ATP2B2: variants seen among roughly 807,000 people sequenced by gnomAD.
ATP2B2 encodes ATPase plasma membrane Ca2+ transporting 2, also known as plasma membrane calcium-transporting ATPase 2.
A neutral mutation model predicts 120.0 loss-of-function variants in ATP2B2; 15 were observed. The ratio of observed to expected loss-of-function variants is 0.12; its 90% confidence interval spans 0.08 to 0.19. ATP2B2 has a LOEUF of 0.19. Ranked by LOEUF, ATP2B2 falls within the 10% of genes least tolerant of loss-of-function variation. The pLI is 1.00. For missense variants in ATP2B2, 1,045 were observed against 1,719.8 expected, an observed-to-expected ratio of 0.61 and a Z score of 6.94; for synonymous variants, 694 against 700.3, an observed-to-expected ratio of 0.99 and a Z score of 0.14.
intron 1 of ATP2B2, among the ~76,000 whole-genome samples, chr3:10,464,052 A>C (rs1030479548): frequency 1.3e-5 from 2 of 152,050 alleles, no homozygotes; most frequent in African/African-American, 4.8e-5. Context: ...CCCTGTGCGC[A>C]TGCTGATTAG....
chr3:10,394,095 C>A (rs3774158), intron 5 of ATP2B2, among the ~76,000 whole-genome samples: 65,520 of 151,722 alleles, frequency 0.43, 15,751 homozygotes, highest in East Asian at 0.97. Context: ...GTTCCTTGAT[C>A]TCTTGCGTGT....
intron 22 of ATP2B2, among the ~76,000 whole-genome samples, chr3:10,330,548 G>A (rs2059950270): frequency 6.6e-6 from 1 of 152,254 alleles, no homozygotes; most frequent in Non-Finnish European, 1.5e-5. Flanking sequence ...AAACAAGGCG[G>A]CGTTGGCGCC....
intron 5 of ATP2B2, among the ~76,000 whole-genome samples, chr3:10,393,421 T>C (rs2061923049): frequency 6.6e-6 from 1 of 152,130 alleles, no homozygotes; most frequent in Non-Finnish European, 1.5e-5. Context: ...CCAAGTTCCA[T>C]CTGAGCCACT....
chr3:10,427,989 G>C (rs1204647620), intron 2 of ATP2B2, among the ~76,000 whole-genome samples: 1 of 152,148 alleles, frequency 6.6e-6, no homozygotes, highest in Admixed American at 6.5e-5. Context: ...GAGTAGAATG[G>C]ATTCAACTCC....
At chr3:10,526,731 T>A (rs1241053301) in intron 3 of ATP2B2, among the ~76,000 whole-genome samples, 1 of 152,146 alleles carries the variant, frequency 6.6e-6, no homozygotes, top group Non-Finnish European at 1.5e-5. Context: ...GAATAGGGAC[T>A]GAGGGGTAGG....
chr3:10,523,071 A>G (rs558992839), intron 3 of ATP2B2, among the ~76,000 whole-genome samples: 1 of 152,354 alleles, frequency 6.6e-6, no homozygotes, highest in South Asian at 2.1e-4. Flanking sequence ...GCCAAGAGTG[A>G]AAGGCTCTTG....
chr3:10,598,193 G>A (rs937263685), intron 2 of ATP2B2, among the ~76,000 whole-genome samples: 4 of 152,204 alleles, frequency 2.6e-5, no homozygotes, highest in Admixed American at 1.3e-4. Context: ...ATAATTTGAG[G>A]TAAATGAAGC....
intron 2 of ATP2B2, among the ~76,000 whole-genome samples, chr3:10,612,033 T>C (rs2069253463): frequency 6.6e-6 from 1 of 152,116 alleles, no homozygotes; most frequent in South Asian, 2.1e-4. Flanking sequence ...TGTTCTAGAG[T>C]ATGGATGGTG....
chr3:10,691,831 G>A (rs2071668703), intron 1 of ATP2B2, among the ~76,000 whole-genome samples: 1 of 152,168 alleles, frequency 6.6e-6, no homozygotes, highest in South Asian at 2.1e-4. Context: ...TATTTCCATA[G>A]TTGCAGAAAG....
chr3:10,395,450 C>T (rs572399824), intron 5 of ATP2B2, among the ~76,000 whole-genome samples: 15 of 152,320 alleles, frequency 9.8e-5, no homozygotes, highest in African/African-American at 3.1e-4. Flanking sequence ...AATACCCTTG[C>T]TCTTGGGAGA....
At chr3:10,367,908 A>G (rs898601526) in intron 12 of ATP2B2, among the ~76,000 whole-genome samples, 2 of 152,224 alleles carry the variant, frequency 1.3e-5, no homozygotes, top group African/African-American at 4.8e-5. Flanking sequence ...ACTGAAAAAC[A>G]GAGGCTCAGA....
intron 2 of ATP2B2, among the ~76,000 whole-genome samples, chr3:10,427,249 G>C (rs472306): frequency 0.26 from 40,192 of 152,100 alleles, 5,528 homozygotes; most frequent in East Asian, 0.38. Context: ...GCAAGTCTAA[G>C]ACCAAACTAA....
chr3:10,707,628 G>A (rs1465071663), intron 1 of ATP2B2, among the ~76,000 whole-genome samples: 2 of 152,100 alleles, frequency 1.3e-5, no homozygotes, highest in Non-Finnish European at 2.9e-5. Flanking sequence ...TCGCGCAGCA[G>A]GCGCAAGGCG....
intron 5 of ATP2B2, among the ~76,000 whole-genome samples, chr3:10,394,124 C>T (rs2061950041): frequency 6.6e-6 from 1 of 152,040 alleles, no homozygotes; most frequent in Non-Finnish European, 1.5e-5. Context: ...AGGCCTCTCC[C>T]TGGATAGGGA....
intron 2 of ATP2B2, among the ~76,000 whole-genome samples, chr3:10,441,518 G>A (rs114035718): frequency 0.037 from 5,578 of 152,246 alleles, 131 homozygotes; most frequent in South Asian, 0.091. Context: ...GGGATTACTG[G>A]TGCGAGCCAC....
At chr3:10,384,443 G>T (rs1359533459) in intron 8 of ATP2B2, among the ~76,000 whole-genome samples, 3 of 152,216 alleles carry the variant, frequency 2.0e-5, no homozygotes, top group Non-Finnish European at 4.4e-5. Context: ...GGGGATAGGG[G>T]TGGTATCTGA....
intron 1 of ATP2B2, among the ~76,000 whole-genome samples, chr3:10,695,247 G>GGAGGGA (rs2071724612): frequency 2.1e-5 from 2 of 93,144 alleles, no homozygotes; most frequent in Admixed American, 1.9e-4. Flanking sequence ...AAGGAGGGAG[G>GGAGGGA]GAGGGAGAGA....
chr3:10,526,702 G>A (rs1441046690), intron 3 of ATP2B2, among the ~76,000 whole-genome samples: 2 of 152,182 alleles, frequency 1.3e-5, no homozygotes, highest in Non-Finnish European at 2.9e-5. Flanking sequence ...GGCCAGTGAG[G>A]GGGTGTGGGG....
Position 10,700,714 on chromosome 3 carries a change from G to A in ATP2B2, c.-460+7201C>T, listed in dbSNP as rs568846410. On this transcript the variant is annotated intron_variant, in intron 1 of 21. Coordinates refer to the ATP2B2 transcript ENST00000646379. Reference sequence around the variant, plus strand: ...GTTAGAATGGACTGAGTTATGCTCAGTAACAAACATGACCAGTGTGCCATA... The same window carrying A: ...GTTAGAATGGACTGAGTTATGCTCAATAACAAACATGACCAGTGTGCCATA... Among the ~76,000 whole-genome samples the A allele has an allele frequency of 4.6e-5, 7 of 152,356 alleles. No individual in the cohort carries two copies. In the South Asian group the frequency reaches 1.4e-3, roughly 32 times the overall value.
Sources: gnomAD v4.1 joint callset for allele counts (sites outside exome capture counted in the v4.1 genomes callset) on GRCh38, gnomAD v4.1.1 for gene constraint, MANE v1.5 for transcripts, NCBI Gene and HGNC (gene_info 2026-07-23, HGNC 2026-07-21) for gene names.